Variants in THBS4 observed in about 807,000 individuals in gnomAD.
The protein encoded by THBS4 is thrombospondin-4.
A neutral mutation model predicts 115.7 loss-of-function variants in THBS4; 90 were observed. The observed-to-expected ratio is 0.78, with a 90% CI of 0.66 to 0.93. THBS4 has a LOEUF of 0.93. Ranked by LOEUF, THBS4 falls within the 40% of genes least tolerant of loss-of-function variation. The pLI is 0.00. For missense variants in THBS4, 1,087 were observed against 1,232.7 expected (o/e 0.88, Z 1.77); for synonymous variants, 460 against 479.3 (o/e 0.96, Z 0.53).
chr5:80,078,070 G>C lies in THBS4; in HGVS notation c.2108G>C (p.Cys703Ser). Residue 703 changes from cysteine to serine, a missense_variant, in exon 17 of 22, where the codon TGT becomes TCT. This residue lies in a region of THBS4 where 979 missense variants were observed against 1,103.7 expected (regional missense o/e 0.89). Transcript: ENST00000350881. ...DSNSDGVGDICESDFDQDQVI... is the reference protein window; with the variant it reads ...DSNSDGVGDISESDFDQDQVI... ...TCAGGCGACGGAGTGGGAGACATCT[G>C]TGAGTCTGACTTTGACCAGGACCAG... 6.3e-7 allele frequency: 1 copy of C among 1,596,112 alleles called. No individual in the cohort carries two copies. Among genetic ancestry groups the C allele is most frequent in the Non-Finnish European group, 8.6e-7 (1 of 1,167,828 alleles).
chr5:80,003,825 A>G (rs544940772), intron 2 of THBS4, among the ~76,000 whole-genome samples: 2 of 152,198 alleles, frequency 1.3e-5, no homozygotes, highest in African/African-American at 4.8e-5. Flanking sequence ...CCTCTATAGC[A>G]TCTGGTATTT....
chr5:80,028,419 G>A (rs1178260661), intron 2 of THBS4, among the ~76,000 whole-genome samples: 2 of 151,640 alleles, frequency 1.3e-5, no homozygotes, highest in African/African-American at 4.9e-5. Context: ...CAAAATAGTC[G>A]ATACTATACA....
chr5:80,035,559 G>A lies in THBS4; in HGVS notation c.22G>A (p.Ala8Thr), dbSNP rs1832687625. MLAPRGA[A>T]VLLLHLVLQR... ...CAACATGCTGGCCCCGCGCGGAGCC[G>A]CCGTCCTCCTGCTGCACCTGGTCCT... Residue 8 changes from alanine to threonine, a missense_variant, in exon 1 of 22, where the codon GCC becomes ACC. Transcript: ENST00000350881. This position sits in a 1 kb window ranked among gnomAD's most constrained non-coding sequence, Gnocchi z 4.6. The A allele has an allele frequency of 7.0e-7, 1 of 1,422,140 alleles. No homozygotes were observed. Among genetic ancestry groups the A allele is most frequent in the African/African-American group, 1.5e-5 (1 of 68,070 alleles). The allele number at this position is 1,422,140 out of a possible 1,614,324, so 88.1% of individuals were successfully genotyped here. A position where few individuals can be genotyped will look rare whatever the true frequency, so the allele number is the denominator to read the frequency against.
chr5:80,002,695 A>T (rs1334038065), intron 2 of THBS4, among the ~76,000 whole-genome samples: 1 of 150,344 alleles, frequency 6.7e-6, no homozygotes, highest in Non-Finnish European at 1.5e-5. Flanking sequence ...GAGTCCTGTA[A>T]TTGGAGATAG....
chr5:80,020,396 C>A (rs1008073597), intron 2 of THBS4, among the ~76,000 whole-genome samples: 9 of 152,166 alleles, frequency 5.9e-5, no homozygotes, highest in South Asian at 2.1e-4. Context: ...ATGGCATGAA[C>A]CCGGGAGGCG....
At chr5:79,993,593 G>A (rs950336160) in intron 1 of THBS4, among the ~76,000 whole-genome samples, 1 of 152,188 alleles carries the variant, frequency 6.6e-6, no homozygotes, top group African/African-American at 2.4e-5. Flanking sequence ...ATCCCAGACA[G>A]TGTTTTCCCC....
At chr5:80,077,597 C>T (rs574043094) in intron 16 of THBS4, among the ~76,000 whole-genome samples, 5 of 152,292 alleles carry the variant, frequency 3.3e-5, no homozygotes, top group Non-Finnish European at 7.4e-5. Context: ...AATGCCAGCA[C>T]GTTAGCTGAA....
At chr5:80,029,902 G>A (rs540065260) in intron 2 of THBS4, among the ~76,000 whole-genome samples, 13 of 152,034 alleles carry the variant, frequency 8.6e-5, no homozygotes, top group East Asian at 1.9e-4. Context: ...CCCGGGAGGC[G>A]GAGGTTGCAG....
chr5:80,051,102 G>A (rs900477154), intron 2 of THBS4, among the ~76,000 whole-genome samples: 2 of 152,088 alleles, frequency 1.3e-5, no homozygotes, highest in Admixed American at 6.5e-5. Context: ...GATAAGATAG[G>A]GCAAGATGAG....
At chr5:80,077,070 C>G (rs1743255369) in intron 16 of THBS4, 22 bp downstream of exon 16, 20 of 1,548,988 alleles carry the variant, frequency 1.3e-5, no homozygotes, top group Non-Finnish European at 1.7e-5. Flanking sequence ...CAGCCCAGAG[C>G]TGCACAGCAC....
intron 1 of THBS4, among the ~76,000 whole-genome samples, chr5:80,037,425 T>C (rs1279401742): frequency 1.3e-5 from 2 of 152,218 alleles, no homozygotes; most frequent in African/African-American, 2.4e-5. Context: ...TCAATTTACA[T>C]ACCATGGTAG....
chr5:80,026,478 A>G (rs985327141), intron 2 of THBS4, among the ~76,000 whole-genome samples: 20 of 152,218 alleles, frequency 1.3e-4, no homozygotes, highest in African/African-American at 3.6e-4. Context: ...GATCTAGAAC[A>G]GGGGTCAGTA....
Position 80,035,621 on chromosome 5 carries a change from C to A in THBS4, c.84C>A (p.Pro28=), listed in dbSNP as rs1294321672. The A allele has an allele frequency of 2.2e-6, 3 of 1,378,368 alleles. No homozygotes were observed. Among genetic ancestry groups the A allele is most frequent in the East Asian group, 3.0e-5 (1 of 33,642 alleles). The allele number at this position is 1,378,368 out of a possible 1,614,324, so 85.4% of individuals were successfully genotyped here. A position where few individuals can be genotyped will look rare whatever the true frequency, so the allele number is the denominator to read the frequency against. The part of the protein sequence containing the change: ...RWLAAGAQAT[P]QVFDLLPSSS... ...TAGCGGCAGGCGCCCAGGCCACCCC[C>A]CAGGGTAAGTGGGTTCGGGTCGGGC... Residue 28 remains proline, a synonymous_variant, in exon 1 of 22, where the codon CCC becomes CCA. Coordinates refer to ENST00000350881, the MANE Select transcript of THBS4 (RefSeq NM_003248.6). The surrounding 1 kb of genome is among the most constrained non-coding windows in gnomAD (Gnocchi z 4.6).
rs1204586808 is a variant in THBS4 at position 80,078,940 on chromosome 5, C to T, written c.2285C>T (p.Thr762Ile). 5.6e-6 allele frequency: 9 copies of T among 1,614,138 alleles called. No individual in the cohort carries two copies. The highest frequency in any genetic ancestry group is 7.6e-6 in the Non-Finnish European group (9 of 1,180,004). The change falls in exon 18 of 22, where the codon ACC (threonine) becomes ATC (isoleucine). Residue 762 changes from threonine to isoleucine, a missense_variant. Coordinates refer to ENST00000350881, the MANE Select transcript of THBS4 (RefSeq NM_003248.6). ...CTGCAGGGCATGGAGATTGTACAGA[C>T]CATGAACAGTGATCCTGGCCTGGCA... ...VLNQGMEIVQ[T>I]MNSDPGLAVG...
At chr5:80,018,087 A>G (rs138856806) in intron 2 of THBS4, among the ~76,000 whole-genome samples, 1 of 152,194 alleles carries the variant, frequency 6.6e-6, no homozygotes, top group East Asian at 1.9e-4. Context: ...GATTTGGCTT[A>G]TCATCTTTCA....
At chr5:80,080,205 G>A in intron 20 of THBS4, 128 bp downstream of exon 20, 1 of 1,140,904 alleles carries the variant, frequency 8.8e-7, no homozygotes, top group Non-Finnish European at 1.2e-6. Flanking sequence ...CAGGACTTTT[G>A]TGACCGCAGG....
chr5:80,055,764 T>C, intron 2 of THBS4, 21 bp from the exon 3 acceptor site: 6 of 1,603,106 alleles, frequency 3.7e-6, no homozygotes, highest in Non-Finnish European at 5.1e-6. Context: ...ACACCATTGG[T>C]TGACCTGTGC....
chr5:80,019,709 T>A, intron 2 of THBS4: 1 of 199,110 alleles, frequency 5.0e-6, no homozygotes, highest in Non-Finnish European at 1.1e-5. Flanking sequence ...GCTTGGGATG[T>A]TGTGGTTAAT....
At position 80,070,372 on chromosome 5, in the gene THBS4, G is replaced by A. The variant is rs138775049; in HGVS notation, c.1414G>A (p.Asp472Asn). ...GGATGTGGACATCGACAGTTACCCC[G>A]ACGAAGAACTGCCATGCTCTGCCAG... ...GKDVDIDSYPDEELPCSARNC... is the reference protein window; with the variant it reads ...GKDVDIDSYPNEELPCSARNC... Residue 472 changes from aspartate (D) to asparagine (N), a missense_variant, in exon 11 of 22, where the codon GAC (aspartate) becomes AAC (asparagine). Around this residue, in one of 3 missense-constraint regions of THBS4, gnomAD observed 979 missense variants for 1,103.7 expected, o/e 0.89. Coordinates refer to ENST00000350881, the MANE Select transcript of THBS4 (RefSeq NM_003248.6). 5.1e-4 allele frequency: 829 copies of A among 1,613,402 alleles called. No individual in the cohort carries two copies. Among genetic ancestry groups the A allele is most frequent in the Non-Finnish European group, 6.5e-4 (771 of 1,179,702 alleles).
Sources: gnomAD v4.1 joint callset for allele counts (sites outside exome capture counted in the v4.1 genomes callset) on GRCh38, gnomAD v4.1.1 for gene constraint, gnomAD v4.1.1 regional missense constraint, Gnocchi (gnomAD v3.1) non-coding constraint, MANE v1.5 for transcripts, NCBI Gene and HGNC (gene_info 2026-07-23, HGNC 2026-07-21) for gene names.